Variants in SEC16B observed in about 807,000 individuals in gnomAD.
SEC16B encodes the protein protein transport protein Sec16B.
SEC16B carries 115 observed loss-of-function variants against 141.8 expected under a neutral mutation model. That is an observed-to-expected ratio of 0.81 (90% CI 0.70 to 0.95). The LOEUF (loss-of-function observed/expected upper bound fraction) is 0.95, where lower values mean the gene tolerates loss of function less well. Among genes scored for constraint, SEC16B ranks in the 40% least tolerant of loss-of-function variants. The pLI, the probability that SEC16B is intolerant of heterozygous loss-of-function variation, is 0.00. For synonymous variants in SEC16B, 493 were observed against 492.5 expected (o/e 1.00, Z -0.01); for missense variants, 1,291 against 1,312.3 (o/e 0.98, Z 0.25).
At chr1:177,970,774 T>G (rs1303672081), upstream of SEC16B, among the ~76,000 whole-genome samples, 1 of 152,246 alleles carries the variant, frequency 6.6e-6, no homozygotes. Flanking sequence ...GAAAAGCACA[T>G]GACTACTTCT....
intron 19 of SEC16B, among the ~76,000 whole-genome samples, chr1:177,936,609 A>G (rs1385445761): frequency 6.6e-6 from 1 of 152,174 alleles, no homozygotes; most frequent in Non-Finnish European, 1.5e-5. Context: ...AATCTTGGAA[A>G]TCAGAGCAAC....
At position 177,958,232 on chromosome 1, in the gene SEC16B, C is replaced by T. The variant is rs1652781771; in HGVS notation, c.1265G>A (p.Gly422Glu). ...TDEDWPVLSS[G>E]TPNLLTGEIP... is the part of the protein sequence containing the mutation. ...CTCTCCCGTGAGCAGGTTCGGGGTC[C>T]CAGAGCTCAGCACTGGCCAGTCCTC... Residue 422 changes from glycine to glutamate, a missense_variant, in exon 10 of 26, where the codon GGG becomes GAG. Gly to Glu is a moderately conservative substitution (Grantham distance 98). Transcript: ENST00000308284. 1 of 1,605,346 alleles carries T rather than the reference C, an allele frequency of 6.2e-7. No individual in the cohort carries two copies.
At chr1:177,941,686 C>T (rs1651283998) in intron 16 of SEC16B, among the ~76,000 whole-genome samples, 1 of 152,180 alleles carries the variant, frequency 6.6e-6, no homozygotes, top group South Asian at 2.1e-4. Flanking sequence ...AGTCTCCAAT[C>T]CCACCACCAC....
chr1:177,947,724 T>C (rs1464256228), intron 13 of SEC16B, 101 bp downstream of exon 13: 3 of 478,888 alleles, frequency 6.3e-6, no homozygotes, highest in East Asian at 7.3e-5. Flanking sequence ...GGAGGGGAGG[T>C]GAGGAGAGGG....
At chr1:177,965,300 A>C in intron 3 of SEC16B, 133 bp from the exon 4 acceptor site, 1 of 1,097,588 alleles carries the variant, frequency 9.1e-7, no homozygotes, top group Non-Finnish European at 1.3e-6. Flanking sequence ...AATTGAAAAA[A>C]TAGATAGGTG....
chr1:177,930,077 C>A, intron 25 of SEC16B, 148 bp from the exon 26 acceptor site: 2 of 724,072 alleles, frequency 2.8e-6, no homozygotes, highest in South Asian at 1.9e-5. Flanking sequence ...TCCACCCAAC[C>A]CTTCACCTAA....
Position 177,947,953 on chromosome 1 carries a change from C to G in SEC16B, c.1546-11G>C, listed in dbSNP as rs368276084. ...CTTTTCTCCACAACACTGAAAAGCA[C>G]CAGAAAAAATAAATGTACAATCATT... On this transcript the variant is annotated splice_polypyrimidine_tract_variant and intron_variant, in intron 12 of 25. Transcript: ENST00000308284. 8.6e-4 allele frequency: 1,305 copies of G among 1,516,050 alleles called. 1 individual carries two copies. The highest frequency in any genetic ancestry group is 1.2e-3 in the Admixed American group (60 of 50,942). 93.9% of individuals were successfully genotyped at this position (1,516,050 alleles called of 1,614,324 possible).
chr1:177,944,792 C>T (rs962602188), intron 14 of SEC16B, 126 bp from the exon 15 acceptor site: 13 of 689,928 alleles, frequency 1.9e-5, no homozygotes, highest in African/African-American at 3.6e-5. Flanking sequence ...CTGATGCCTG[C>T]GGCGGCTTCA....
At position 177,967,769 on chromosome 1, in the gene SEC16B, A is replaced by G. The variant is rs1302046520; in HGVS notation, c.213T>C (p.His71=). 2 of 1,613,938 alleles carry G rather than the reference A, an allele frequency of 1.2e-6. No homozygotes were observed. Among genetic ancestry groups the G allele is most frequent in the South Asian group, 2.2e-5 (2 of 91,082 alleles). Residue 71 remains histidine, a synonymous_variant, in exon 2 of 26, where the codon CAT becomes CAC. Coordinates refer to ENST00000308284, the MANE Select transcript of SEC16B (RefSeq NM_033127.4). ...GCCAGTCCCCTGGCCTGGATGCATA[A>G]TGGGGCTGCTGCTGATGGTCTGCCC... ...EPRADHQQQP[H]YASRPGDWHQ...
chr1:177,951,925 G>A lies in SEC16B; in HGVS notation c.1534C>T (p.Gln512Ter), dbSNP rs1276123088. 1 of 1,604,850 alleles carries A rather than the reference G, an allele frequency of 6.2e-7. No homozygotes were observed. Among genetic ancestry groups the A allele is most frequent in the South Asian group, 1.1e-5 (1 of 88,670 alleles). The change falls in exon 12 of 26, where the codon CAG becomes TAG. Residue 512 changes from glutamine to a stop codon, truncating the protein, a stop_gained. Coordinates refer to ENST00000308284, the MANE Select transcript of SEC16B (RefSeq NM_033127.4). LOFTEE classifies it high-confidence loss of function. Reference protein sequence around the residue: ...LFQLMSGRIPQAATCCGEKQW... With the variant: ...LFQLMSGRIP ...TGTCATAGGGGTACCGTGGCTGCCTGTGGAATCCTCCCCGACATGAGCTGG... is the reference window on the plus strand; with the variant it reads ...TGTCATAGGGGTACCGTGGCTGCCTATGGAATCCTCCCCGACATGAGCTGG...
Position 177,958,778 on chromosome 1 carries a change from A to G in SEC16B, c.1134+62T>C, listed in dbSNP as rs115523727. The G allele has an allele frequency of 1.1e-4, 167 of 1,541,274 alleles. 2 individuals are homozygous for G. The South Asian group carries it at 1.7e-3, about 16-fold the overall frequency. ...ATAATCATGTCATAAACATAATCTT[A>G]TCTATCCCATGAAGACTTAAATTTC... On this transcript the variant is annotated intron_variant, in intron 9 of 25. Coordinates refer to ENST00000308284, the MANE Select transcript of SEC16B (RefSeq NM_033127.4).
In SEC16B at chr1:177,958,314, T is replaced by G; in HGVS notation, c.1183A>C (p.Lys395Gln). The change falls in exon 10 of 26, where the codon AAG becomes CAG. Residue 395 changes from lysine (K) to glutamine (Q), a missense_variant. By Grantham distance (53) the Lys-to-Gln change is moderately conservative. Transcript: ENST00000308284. ...IAELLMQDCKKLEKYKRQPPV... is the reference protein window; with the variant it reads ...IAELLMQDCKQLEKYKRQPPV... ...GGCTGCCGCTTGTACTTCTCCAGCT[T>G]CTTGCAGTCTTGCATTAGCAGCTCA... is the stretch of plus-strand genomic sequence containing the variant. The G allele has an allele frequency of 3.1e-6, 5 of 1,609,144 alleles. No homozygotes were observed. Among genetic ancestry groups the G allele is most frequent in the Non-Finnish European group, 4.2e-6 (5 of 1,177,686 alleles).
At chr1:177,968,743 C>T (rs1037648863) in intron 1 of SEC16B, among the ~76,000 whole-genome samples, 4 of 152,128 alleles carry the variant, frequency 2.6e-5, no homozygotes, top group Admixed American at 2.0e-4. Flanking sequence ...ACATTAACCC[C>T]CTCAAAGAAC....
chr1:177,948,302 G>A, intron 12 of SEC16B: 15 of 1,260,670 alleles, frequency 1.2e-5, no homozygotes, highest in Non-Finnish European at 1.3e-5. Flanking sequence ...AGTGGGAGAA[G>A]GAAGATCAAA....
intron 24 of SEC16B, among the ~76,000 whole-genome samples, chr1:177,931,255 A>G (rs189886063): frequency 1.4e-4 from 21 of 152,332 alleles, no homozygotes; most frequent in Admixed American, 2.6e-4. Flanking sequence ...AAAATGAACA[A>G]AATAATGTCT....
chr1:177,954,787 A>C (rs1370862091), intron 10 of SEC16B, among the ~76,000 whole-genome samples: 1 of 152,206 alleles, frequency 6.6e-6, no homozygotes, highest in East Asian at 1.9e-4. Flanking sequence ...GGTAACACAT[A>C]TGTTAACTAG....
chr1:177,946,036 G>T (rs1278347067), intron 14 of SEC16B: 7 of 418,698 alleles, frequency 1.7e-5, no homozygotes, highest in Non-Finnish European at 2.9e-5. Flanking sequence ...TTTTGCCTGG[G>T]TAGGCTCTCA....
rs751510083 is a variant in SEC16B, at chr1:177,937,482, A to T, written c.2235T>A (p.Cys745Ter). Residue 745 changes from cysteine to a stop codon, truncating the protein, a stop_gained, in exon 19 of 26, where the codon TGT (cysteine) becomes TGA (stop). Coordinates refer to ENST00000308284, the MANE Select transcript of SEC16B (RefSeq NM_033127.4). LOFTEE classifies it high-confidence loss of function. Reference sequence around the variant, plus strand: ...ACCCAGGGGCTTCAGAGTAGCCTTGACATCCAGAAAAGTCCTGGTAGAAAG... The same window carrying T: ...ACCCAGGGGCTTCAGAGTAGCCTTGTCATCCAGAAAAGTCCTGGTAGAAAG... ...ENTFYQDFSGCQGYSEAPGYR... is the reference protein window; with the variant it reads ...ENTFYQDFSG 6.4e-7 allele frequency: 1 copy of T among 1,572,116 alleles called. No homozygotes were observed. Among genetic ancestry groups the T allele is most frequent in the East Asian group, 2.3e-5 (1 of 44,018 alleles).
At chr1:177,937,727 T>C (rs192280483) in intron 18 of SEC16B, among the ~76,000 whole-genome samples, 1 of 152,280 alleles carries the variant, frequency 6.6e-6, no homozygotes, top group Non-Finnish European at 1.5e-5. Flanking sequence ...TGTTTTTTTC[T>C]TCACTAGTGT....
Sources: gnomAD v4.1 joint callset for allele counts (sites outside exome capture counted in the v4.1 genomes callset) on GRCh38, gnomAD v4.1.1 for gene constraint, MANE v1.5 for transcripts, NCBI Gene and HGNC (gene_info 2026-07-23, HGNC 2026-07-21) for gene names.